Variants in ASIC2 observed in about 807,000 individuals in gnomAD.
ASIC2 encodes the protein acid sensing ion channel subunit 2.
A neutral mutation model predicts 57.3 loss-of-function variants in ASIC2; 25 were observed. That is an observed-to-expected ratio of 0.44 (90% CI 0.32 to 0.61). The LOEUF (loss-of-function observed/expected upper bound fraction) is 0.61. Among genes scored for constraint, ASIC2 ranks in the 20% least tolerant of loss-of-function variants. ASIC2 has a pLI of 0.06. For missense variants in ASIC2, 641 were observed against 738.1 expected (o/e 0.87, Z 1.52); for synonymous variants, 319 against 307.5 (o/e 1.04, Z -0.39).
intron 1 of ASIC2, among the ~76,000 whole-genome samples, chr17:33,896,876 C>A (rs192631941): frequency 4.6e-5 from 7 of 152,210 alleles, no homozygotes; most frequent in Non-Finnish European, 1.0e-4. Context: ...CCCAGGGTTG[C>A]ACAACATGGT....
chr17:33,476,887 G>A (rs1291299233), intron 1 of ASIC2, among the ~76,000 whole-genome samples: 1 of 152,060 alleles, frequency 6.6e-6, no homozygotes, highest in African/African-American at 2.4e-5. Flanking sequence ...AGGCAGAAAT[G>A]GTTTGCATAT....
intron 1 of ASIC2, among the ~76,000 whole-genome samples, chr17:33,835,913 G>T (rs1250205368): frequency 6.6e-6 from 1 of 151,250 alleles, no homozygotes; most frequent in Non-Finnish European, 1.5e-5. Flanking sequence ...CTCCCAAATT[G>T]CTGGGATTAC....
At chr17:33,401,622 C>T (rs1378028480) in intron 1 of ASIC2, among the ~76,000 whole-genome samples, 1 of 152,168 alleles carries the variant, frequency 6.6e-6, no homozygotes, top group African/African-American at 2.4e-5. Context: ...CACAAATGGG[C>T]AAGAATTCCT....
chr17:34,134,383 G>A (rs1912073012), intron 1 of ASIC2, among the ~76,000 whole-genome samples: 1 of 152,182 alleles, frequency 6.6e-6, no homozygotes, highest in African/African-American at 2.4e-5. Flanking sequence ...CACCAGAGCT[G>A]GACAGTCACC....
chr17:33,371,461 C>A (rs1261849622), intron 1 of ASIC2, among the ~76,000 whole-genome samples: 1 of 152,208 alleles, frequency 6.6e-6, no homozygotes, highest in South Asian at 2.1e-4. Flanking sequence ...AAAACTACAA[C>A]AAAAAATAAT....
At chr17:33,067,397 C>T (rs1392979651) in intron 3 of ASIC2, among the ~76,000 whole-genome samples, 1 of 152,000 alleles carries the variant, frequency 6.6e-6, no homozygotes, top group Non-Finnish European at 1.5e-5. Flanking sequence ...GAGATGGTAG[C>T]ATGGAAGAAA....
At chr17:34,043,108 A>T (rs1419565887) in intron 1 of ASIC2, among the ~76,000 whole-genome samples, 1 of 152,196 alleles carries the variant, frequency 6.6e-6, no homozygotes, top group Non-Finnish European at 1.5e-5. Context: ...GGTGTTAGAA[A>T]TTAAGAGAGC....
At position 33,822,001 on chromosome 17, in the gene ASIC2, G is replaced by T. The variant is rs114645717; in HGVS notation, c.555+333977C>A. Among the ~76,000 whole-genome samples the T allele has an allele frequency of 6.6e-3, 998 of 152,222 alleles. 13 individuals are homozygous for T. The highest frequency in any genetic ancestry group is 0.023 in the African/African-American group (949 of 41,536). ...CAGCATGTGATTTAGAAAGAGATAC[G>T]AACTGGTTGGAATCTTGGTTTGACC... On this transcript the variant is annotated intron_variant, in intron 1 of 9. Transcript: ENST00000359872.
chr17:33,416,448 C>G (rs8066371), intron 1 of ASIC2, among the ~76,000 whole-genome samples: 1 of 151,906 alleles, frequency 6.6e-6, no homozygotes, highest in Admixed American at 6.6e-5. Flanking sequence ...ATGGGCCTTC[C>G]TCTTTGCTGA....
intron 1 of ASIC2, among the ~76,000 whole-genome samples, chr17:33,683,535 A>G (rs1313831260): frequency 2.6e-5 from 4 of 151,860 alleles, no homozygotes; most frequent in African/African-American, 9.7e-5. Flanking sequence ...TCATGCCCAG[A>G]TAGTTTTTTT....
chr17:33,278,893 AAGG>A (rs1904824763), intron 1 of ASIC2, among the ~76,000 whole-genome samples: 1 of 152,108 alleles, frequency 6.6e-6, no homozygotes, highest in Non-Finnish European at 1.5e-5. Flanking sequence ...CCTTGCCCTC[AAGG>A]AGATGACAGC....
intron 1 of ASIC2, among the ~76,000 whole-genome samples, chr17:33,202,017 C>CAAAAAAAAAAA (rs55724157): frequency 1.1e-4 from 10 of 92,256 alleles, no homozygotes; most frequent in Non-Finnish European, 2.3e-4. Flanking sequence ...GAGACTGTCT[C>CAAAAAAAAAAA]AAAAAAAAAA....
chr17:34,099,787 AAAGAAAGAAAG>A (rs1235257111), intron 1 of ASIC2, among the ~76,000 whole-genome samples: 938 of 85,614 alleles, frequency 0.011, 31 homozygotes, highest in African/African-American at 0.025. Context: ...AGAAAGAAAG[AAAGAAAGAAAG>A]AAAGAAAAGA....
At chr17:33,473,580 C>T (rs983335474) in intron 1 of ASIC2, among the ~76,000 whole-genome samples, 2 of 152,068 alleles carry the variant, frequency 1.3e-5, no homozygotes, top group African/African-American at 4.8e-5. Flanking sequence ...CAGATTTGCC[C>T]ATGACCTGGA....
In ASIC2 at chr17:33,498,140, G is replaced by C. The variant is rs532658339; in HGVS notation, c.556-386073C>G. On this transcript the variant is annotated intron_variant, in intron 1 of 9. Transcript: ENST00000359872. ...CCATGTTTCAGATGAGAAAATTGAG[G>C]CCCAGAGACTTGAGTAATGTGCTCA... 2.6e-5 allele frequency among the ~76,000 whole-genome samples: 4 copies of C among 152,216 alleles called. No homozygotes were observed. In the South Asian group the frequency reaches 8.3e-4, roughly 32 times the overall value.
intron 1 of ASIC2, among the ~76,000 whole-genome samples, chr17:33,589,497 G>T (rs1053164828): frequency 6.6e-6 from 1 of 151,948 alleles, no homozygotes; most frequent in African/African-American, 2.4e-5. Flanking sequence ...CAGAAACCCT[G>T]TGCCCGTGCA....
At chr17:34,147,334 C>T (rs1005034123) in intron 1 of ASIC2, among the ~76,000 whole-genome samples, 1 of 152,160 alleles carries the variant, frequency 6.6e-6, no homozygotes, top group African/African-American at 2.4e-5. Context: ...TACGTTGCTT[C>T]TGTTTTATAT....
At chr17:33,675,403 G>A (rs149195369) in intron 1 of ASIC2, among the ~76,000 whole-genome samples, 436 of 152,242 alleles carry the variant, frequency 2.9e-3, no homozygotes, top group South Asian at 5.0e-3. Context: ...CACGGGCCCC[G>A]TGATCAGCTC....
intron 1 of ASIC2, among the ~76,000 whole-genome samples, chr17:33,784,793 G>T (rs1170641601): frequency 6.6e-6 from 1 of 152,140 alleles, no homozygotes; most frequent in African/African-American, 2.4e-5. Flanking sequence ...TGCAGTGCAG[G>T]TCTAGAGACT....
Sources: gnomAD v4.1 joint callset for allele counts (sites outside exome capture counted in the v4.1 genomes callset) on GRCh38, gnomAD v4.1.1 for gene constraint, MANE v1.5 for transcripts, NCBI Gene and HGNC (gene_info 2026-07-23, HGNC 2026-07-21) for gene names.